Variants in DDX27 observed in about 807,000 individuals in gnomAD.
The protein encoded by DDX27 is DEAD-box helicase 27.
DDX27 carries 42 observed loss-of-function variants against 99.3 expected under a neutral mutation model. That is an observed-to-expected ratio of 0.42 (90% CI 0.33 to 0.55). The LOEUF (loss-of-function observed/expected upper bound fraction) is 0.55, where lower values mean the gene tolerates loss of function less well. Ranked by LOEUF, DDX27 falls within the 20% of genes least tolerant of loss-of-function variation. DDX27 has a pLI of 0.07. For missense variants in DDX27, 798 were observed against 976.8 expected (o/e 0.82, Z 2.44); for synonymous variants, 329 against 353.8 (o/e 0.93, Z 0.79).
intron 8 of DDX27, among the ~76,000 whole-genome samples, chr20:49,229,741 T>C (rs1355081720): frequency 4.0e-5 from 6 of 151,580 alleles, no homozygotes; most frequent in South Asian, 4.2e-4. Flanking sequence ...CTCCACCTCC[T>C]GGGTTCAAGT....
chr20:49,230,255 A>G lies in DDX27; in HGVS notation c.937A>G (p.Ile313Val). 1.9e-6 allele frequency: 3 copies of G among 1,613,394 alleles called. No homozygotes were observed. Among genetic ancestry groups the G allele is most frequent in the Non-Finnish European group, 2.5e-6 (3 of 1,180,010 alleles). ...TCTTCGGGCAGCGCCTGACATCCTCATCGCCACCCCAGGCCGGCTCATCGA... is the reference window on the plus strand; with the variant it reads ...TCTTCGGGCAGCGCCTGACATCCTCGTCGCCACCCCAGGCCGGCTCATCGA... ...AALRAAPDIL[I>V]ATPGRLIDHL... Residue 313 changes from isoleucine to valine, a missense_variant, in exon 9 of 21, where the codon ATC becomes GTC. Transcript: ENST00000618172.
At chr20:49,226,584 G>A in intron 7 of DDX27, 49 bp downstream of exon 7, 1 of 1,426,880 alleles carries the variant, frequency 7.0e-7, no homozygotes, top group East Asian at 2.3e-5. Context: ...TACGGCCAGG[G>A]CTGGGCTCTA....
At chr20:49,225,558 C>G (rs965254449) in intron 6 of DDX27, among the ~76,000 whole-genome samples, 1 of 151,558 alleles carries the variant, frequency 6.6e-6, no homozygotes, top group African/African-American at 2.4e-5. Context: ...CGGGTTCACG[C>G]CATTCTCCTG....
chr20:49,222,855 A>C, intron 2 of DDX27, 102 bp from the exon 3 acceptor site: 11 of 892,634 alleles, frequency 1.2e-5, no homozygotes, highest in East Asian at 2.9e-5. Context: ...TTTTCAGAGA[A>C]GGCCAAAATT....
At position 49,242,380 on chromosome 20, in the gene DDX27, G is replaced by A. The variant is rs529327348; in HGVS notation, c.2116+174G>A. On this transcript the variant is annotated intron_variant, in intron 18 of 20. Transcript: ENST00000618172. Reference sequence around the variant, plus strand: ...GGTCTAAGGGGCGCAGTGACCTTGTGGTTGTTGAGAACTAGGATTTGAACG... The same window carrying A: ...GGTCTAAGGGGCGCAGTGACCTTGTAGTTGTTGAGAACTAGGATTTGAACG... 5.9e-5 allele frequency among the ~76,000 whole-genome samples: 9 copies of A among 152,278 alleles called. No individual in the cohort carries two copies. The South Asian group carries it at 1.9e-3, about 32-fold the overall frequency.
At chr20:49,227,859 G>A (rs1279147390) in intron 7 of DDX27, among the ~76,000 whole-genome samples, 1 of 85,940 alleles carries the variant, frequency 1.2e-5, no homozygotes, top group Non-Finnish European at 2.2e-5. Flanking sequence ...TTTTTTTTTT[G>A]AGACAGAGTC....
intron 6 of DDX27, 86 bp from the exon 7 acceptor site, chr20:49,226,344 C>T (rs1979885160): frequency 2.1e-6 from 2 of 942,592 alleles, no homozygotes; most frequent in Middle Eastern, 2.3e-4. Flanking sequence ...TGGTGTGGTC[C>T]CCACTTGTCT....
In DDX27 at chr20:49,239,257, C is replaced by T; in HGVS notation, c.1816C>T (p.Leu606=). Residue 606 remains leucine (L), a synonymous_variant, in exon 16 of 21, where the codon CTG becomes TTG. Coordinates refer to ENST00000618172, the MANE Select transcript of DDX27 (RefSeq NM_017895.8). Reference sequence around the variant, plus strand: ...ACAGATCAATACAGCAAAGCGGCTCCTGGAGAAGGGGAAGGAGGCAGTGGT... The same window carrying T: ...ACAGATCAATACAGCAAAGCGGCTCTTGGAGAAGGGGAAGGAGGCAGTGGT... ...EAQINTAKRL[L]EKGKEAVVQE... is the part of the protein sequence containing the mutation. The T allele has an allele frequency of 6.2e-7, 1 of 1,614,090 alleles. No homozygotes were observed. Among genetic ancestry groups the T allele is most frequent in the Non-Finnish European group, 8.5e-7 (1 of 1,180,012 alleles).
chr20:49,230,770 C>T (rs79053417), intron 9 of DDX27, among the ~76,000 whole-genome samples: 2,329 of 152,264 alleles, frequency 0.015, 60 homozygotes, highest in South Asian at 0.07. Context: ...CCCCCCACCC[C>T]GCCCCCCAGC....
intron 14 of DDX27, chr20:49,237,811 A>C (rs1454930621): frequency 6.5e-6 from 1 of 152,676 alleles, no homozygotes; most frequent in African/African-American, 2.4e-5. Flanking sequence ...GAACGAGCTT[A>C]GTGTGTGAGA....
chr20:49,220,669 C>T (rs9753608), intron 1 of DDX27, among the ~76,000 whole-genome samples: 30,020 of 152,164 alleles, frequency 0.2, 3,027 homozygotes, highest in Non-Finnish European at 0.22. Context: ...CAGGCCTTGG[C>T]TCAGCCCGCT....
intron 11 of DDX27, 185 bp from the exon 12 acceptor site, chr20:49,234,749 CA>C: frequency 1.7e-6 from 1 of 595,854 alleles, no homozygotes; most frequent in Non-Finnish European, 2.7e-6. Context: ...CTCTCTCTCA[CA>C]GCATTTTTCA....
chr20:49,229,650 CT>C (rs71186442), intron 8 of DDX27, among the ~76,000 whole-genome samples: 149 of 134,328 alleles, frequency 1.1e-3, no homozygotes, highest in African/African-American at 2.5e-3. Context: ...CAGGCATTCT[CT>C]TTTTTTTTTT....
intron 14 of DDX27, among the ~76,000 whole-genome samples, chr20:49,237,469 T>C (rs1980343647): frequency 1.3e-5 from 2 of 152,238 alleles, no homozygotes; most frequent in African/African-American, 2.4e-5. Flanking sequence ...TAAATGTCCC[T>C]TTTATTTTTT....
chr20:49,224,752 G>T (rs1979815915), intron 4 of DDX27, 193 bp from the exon 5 acceptor site: 2 of 612,796 alleles, frequency 3.3e-6, no homozygotes, highest in East Asian at 5.5e-5. Context: ...GAGTCACTGG[G>T]TTAGCTTTCT....
intron 6 of DDX27, 69 bp from the exon 7 acceptor site, chr20:49,226,361 C>T: frequency 8.1e-7 from 1 of 1,235,900 alleles, no homozygotes; most frequent in Non-Finnish European, 1.1e-6. Context: ...GTCTGGAAAC[C>T]TGCCCTGTTT....
chr20:49,235,335 G>C, intron 12 of DDX27: 1 of 385,084 alleles, frequency 2.6e-6, no homozygotes, highest in East Asian at 4.1e-5. Context: ...GCTGTTGTGT[G>C]GCGTGACAGA....
chr20:49,226,468 C>A lies in DDX27; in HGVS notation c.639C>A (p.Ile213=). ...TGGGCTTCAAGCAGCCCACCCCGAT[C>A]CAGAAGGCGTGCATACCTGTGGGTC... ...TAMGFKQPTP[I]QKACIPVGLL... The change falls in exon 7 of 21, where the codon ATC becomes ATA. Residue 213 remains isoleucine (I), a synonymous_variant. Coordinates refer to ENST00000618172, the MANE Select transcript of DDX27 (RefSeq NM_017895.8). 6.2e-7 allele frequency: 1 copy of A among 1,614,058 alleles called. No individual in the cohort carries two copies. Among genetic ancestry groups the A allele is most frequent in the Non-Finnish European group, 8.5e-7 (1 of 1,179,982 alleles).
chr20:49,219,680 A>G (rs906376092), intron 1 of DDX27, 139 bp downstream of exon 1: 1 of 890,296 alleles, frequency 1.1e-6, no homozygotes, highest in Non-Finnish European at 1.6e-6. Flanking sequence ...GGACCCCAAG[A>G]TCTTCCTCAG....
Sources: allele counts gnomAD v4.1 joint callset (sites outside exome capture counted in the v4.1 genomes callset), GRCh38; gene constraint gnomAD v4.1.1; transcripts MANE v1.5; gene names NCBI Gene and HGNC (gene_info 2026-07-23, HGNC 2026-07-21).